Variants in RAD18 observed in about 807,000 individuals in gnomAD.
RAD18 encodes the protein E3 ubiquitin-protein ligase RAD18.
In RAD18, 47 loss-of-function variants were observed where a neutral mutation model predicts 60.4. The observed-to-expected ratio is 0.78, with a 90% CI of 0.62 to 0.99. RAD18 has a LOEUF of 0.99. Among genes scored for constraint, RAD18 ranks in the 50% least tolerant of loss-of-function variants. The pLI, the probability that RAD18 is intolerant of heterozygous loss-of-function variation, is 0.00. For missense variants in RAD18, 640 were observed against 593.3 expected (o/e 1.08, Z -0.82); for synonymous variants, 225 against 195.5 (o/e 1.15, Z -1.26).
chr3:8,913,758 T>G, intron 7 of RAD18, 38 bp from the exon 8 acceptor site: 1 of 1,341,406 alleles, frequency 7.5e-7, no homozygotes, highest in Non-Finnish European at 1.0e-6. Context: ...GTTAATCACA[T>G]GTCTTTTTTA....
chr3:8,881,629 G>C (rs1939464324), intron 12 of RAD18, among the ~76,000 whole-genome samples, 170 bp from the exon 13 acceptor site: 1 of 152,184 alleles, frequency 6.6e-6, no homozygotes, highest in Non-Finnish European at 1.5e-5. Flanking sequence ...TTATGAATTA[G>C]TGAGTTAGCA....
At position 8,926,068 on chromosome 3, in the gene RAD18, T is replaced by C. The variant is rs1176573142; in HGVS notation, c.889+9803A>G. On this transcript the variant is annotated intron_variant, in intron 7 of 12. Transcript: ENST00000264926. ...TGTTGGAAGTTCTGGCCAGGGCAAT[T>C]AGGCAGGAGAAGGAAATAAAGGGTA... is the stretch of plus-strand genomic sequence containing the variant. 3.3e-5 allele frequency among the ~76,000 whole-genome samples: 5 copies of C among 151,466 alleles called. No individual in the cohort carries two copies. The East Asian group carries it at 7.8e-4, about 24-fold the overall frequency.
intron 7 of RAD18, among the ~76,000 whole-genome samples, chr3:8,924,558 A>T (rs1342233438): frequency 7.2e-6 from 1 of 139,354 alleles, no homozygotes; most frequent in African/African-American, 2.6e-5. Flanking sequence ...TGCACCAAGC[A>T]GACCTAATAG....
At chr3:8,899,162 T>C (rs1939856953) in intron 10 of RAD18, 115 bp from the exon 11 acceptor site, 1 of 751,418 alleles carries the variant, frequency 1.3e-6, no homozygotes, top group East Asian at 2.9e-5. Flanking sequence ...ATATGTCACA[T>C]AGATTCCAGA....
chr3:8,936,352 G>A (rs1415683148), intron 6 of RAD18, among the ~76,000 whole-genome samples: 3 of 152,178 alleles, frequency 2.0e-5, no homozygotes, highest in African/African-American at 4.8e-5. Context: ...TATATGTAAC[G>A]CTTGTGGAAT....
At chr3:8,928,366 C>T (rs1174108354) in intron 7 of RAD18, among the ~76,000 whole-genome samples, 1 of 152,058 alleles carries the variant, frequency 6.6e-6, no homozygotes, top group Non-Finnish European at 1.5e-5. Flanking sequence ...TTAAACCCTA[C>T]AATTTAATGG....
At chr3:8,906,701 T>C (rs948120469) in intron 9 of RAD18, among the ~76,000 whole-genome samples, 1 of 152,102 alleles carries the variant, frequency 6.6e-6, no homozygotes, top group Non-Finnish European at 1.5e-5. Context: ...TCTAGATTTT[T>C]TTTTTTTTCA....
chr3:8,915,276 G>A (rs1367781789), intron 7 of RAD18, among the ~76,000 whole-genome samples: 1 of 151,998 alleles, frequency 6.6e-6, no homozygotes, highest in African/African-American at 2.4e-5. Context: ...TCACCCTAAT[G>A]ACGAGAAAAA....
chr3:8,894,710 C>A (rs1452037876), intron 11 of RAD18, among the ~76,000 whole-genome samples: 1 of 150,944 alleles, frequency 6.6e-6, no homozygotes, highest in African/African-American at 2.4e-5. Context: ...ACAAATGTTC[C>A]ATTCATCCAA....
In RAD18 at chr3:8,899,032, A is replaced by G; in HGVS notation, c.1184T>C (p.Met395Thr). 6.3e-7 allele frequency: 1 copy of G among 1,596,976 alleles called. No homozygotes were observed. The highest frequency in any genetic ancestry group is 8.5e-7 in the Non-Finnish European group (1 of 1,172,244). Reference protein sequence around the residue: ...SSVCMGQEDNMTSVTNHFSQS... With the variant: ...SSVCMGQEDNTTSVTNHFSQS... Reference sequence around the variant, plus strand: ...AGAAAAGTGGTTTGTTACTGAGGTCATATTATCTTCCTGTCCTAGGAAAAA... The same window carrying G: ...AGAAAAGTGGTTTGTTACTGAGGTCGTATTATCTTCCTGTCCTAGGAAAAA... Residue 395 changes from methionine (M) to threonine (T), a missense_variant, in exon 11 of 13, where the codon ATG becomes ACG. Transcript: ENST00000264926.
At chr3:8,910,119 A>G (rs1413181935) in intron 9 of RAD18, among the ~76,000 whole-genome samples, 1 of 152,206 alleles carries the variant, frequency 6.6e-6, no homozygotes, top group Non-Finnish European at 1.5e-5. Context: ...AAAAAGGACA[A>G]GCATAGTAGA....
chr3:8,909,931 T>C (rs140320373), intron 9 of RAD18, among the ~76,000 whole-genome samples: 138 of 152,344 alleles, frequency 9.1e-4, no homozygotes, highest in African/African-American at 3.2e-3. Flanking sequence ...TTAGACAAGC[T>C]TGCATACACC....
At chr3:8,945,867 G>A (rs1940830891) in intron 4 of RAD18, among the ~76,000 whole-genome samples, 1 of 152,152 alleles carries the variant, frequency 6.6e-6, no homozygotes, top group Admixed American at 6.5e-5. Context: ...AAAGAAAGAT[G>A]CTTATACAGC....
intron 11 of RAD18, among the ~76,000 whole-genome samples, chr3:8,896,063 C>T (rs563754179): frequency 1.3e-5 from 2 of 152,308 alleles, no homozygotes; most frequent in African/African-American, 2.4e-5. Flanking sequence ...ACATCTTTCA[C>T]GTGCAAATCA....
At chr3:8,962,813 G>T (rs1434251631) in intron 1 of RAD18, among the ~76,000 whole-genome samples, 2 of 152,238 alleles carry the variant, frequency 1.3e-5, no homozygotes, top group Non-Finnish European at 2.9e-5. Context: ...TGTTAGAGAA[G>T]AGTGAAGGTG....
intron 1 of RAD18, among the ~76,000 whole-genome samples, chr3:8,961,134 A>G (rs1941089400): frequency 6.6e-6 from 1 of 152,202 alleles, no homozygotes; most frequent in African/African-American, 2.4e-5. Context: ...TGATTCTGAA[A>G]GATCTGCAGA....
chr3:8,888,823 G>A (rs1437549497), intron 12 of RAD18, among the ~76,000 whole-genome samples: 74 of 152,174 alleles, frequency 4.9e-4, no homozygotes, highest in Non-Finnish European at 5.9e-5. Flanking sequence ...AAACTGAAAT[G>A]ATAGGATTTG....
chr3:8,922,498 T>C (rs1040447134), intron 7 of RAD18, among the ~76,000 whole-genome samples: 1 of 152,216 alleles, frequency 6.6e-6, no homozygotes, highest in South Asian at 2.1e-4. Context: ...GGGCAGGGCA[T>C]AGCCAAACAA....
At chr3:8,912,911 C>G (rs1165906833) in intron 8 of RAD18, among the ~76,000 whole-genome samples, 1 of 152,078 alleles carries the variant, frequency 6.6e-6, no homozygotes, top group African/African-American at 2.4e-5. Context: ...TCCCATCTTA[C>G]AGTTAGCACA....
Sources: allele counts gnomAD v4.1 joint callset (sites outside exome capture counted in the v4.1 genomes callset), GRCh38; gene constraint gnomAD v4.1.1; transcripts MANE v1.5; gene names NCBI Gene and HGNC (gene_info 2026-07-23, HGNC 2026-07-21).